Variants in EXOC4 observed in about 807,000 individuals in gnomAD.
EXOC4 encodes exocyst complex component 4.
In EXOC4, 71 loss-of-function variants were observed where a neutral mutation model predicts 107.2. That is an observed-to-expected ratio of 0.66 (90% confidence interval 0.55 to 0.81). The LOEUF (loss-of-function observed/expected upper bound fraction) is 0.81, where lower values mean the gene tolerates loss of function less well. EXOC4 is among the 30% of genes least tolerant of loss of function. The probability of loss-of-function intolerance (pLI) is 0.00; values close to 1 mark genes in which losing one functional copy is unlikely to be tolerated. For synonymous variants in EXOC4, 456 were observed against 441.2 expected (o/e 1.03, Z -0.42); for missense variants, 1,108 against 1,189.6 (o/e 0.93, Z 1.01).
intron 10 of EXOC4, 136 bp from the exon 11 acceptor site, chr7:133,817,189 A>G (rs1797392318): frequency 1.2e-5 from 7 of 592,476 alleles, no homozygotes; most frequent in Non-Finnish European, 1.8e-5. Flanking sequence ...ATTAAAAATT[A>G]TATAGAGATG....
chr7:133,749,976 T>G (rs1483740978), intron 10 of EXOC4, among the ~76,000 whole-genome samples: 5 of 147,722 alleles, frequency 3.4e-5, no homozygotes, highest in African/African-American at 1.0e-4. Flanking sequence ...TTTTTTTTTT[T>G]TTTTTTTTTA....
chr7:133,318,127 C>T (rs1371601523), intron 5 of EXOC4, among the ~76,000 whole-genome samples: 1 of 152,162 alleles, frequency 6.6e-6, no homozygotes, highest in Non-Finnish European at 1.5e-5. Context: ...TGTCCTATGC[C>T]CTCTCCACTT....
At chr7:133,281,257 C>T (rs376026443) in intron 2 of EXOC4, among the ~76,000 whole-genome samples, 3 of 150,808 alleles carry the variant, frequency 2.0e-5, no homozygotes, top group East Asian at 3.9e-4. Context: ...ACAATGTGCA[C>T]ATGTACCCTA....
At chr7:133,262,102 C>A (rs1470441366) in intron 1 of EXOC4, among the ~76,000 whole-genome samples, 3 of 151,946 alleles carry the variant, frequency 2.0e-5, no homozygotes, top group Admixed American at 2.0e-4. Context: ...TTCTTCTGGG[C>A]CTAAAGTAGA....
At chr7:133,918,360 T>G (rs1799858300) in intron 13 of EXOC4, among the ~76,000 whole-genome samples, 1 of 152,202 alleles carries the variant, frequency 6.6e-6, no homozygotes, top group African/African-American at 2.4e-5. Flanking sequence ...TCAGCAAAGT[T>G]GTTTGTAGCC....
At position 133,735,959 on chromosome 7, in the gene EXOC4, G is replaced by A. The variant is rs188118687; in HGVS notation, c.1515-81366G>A. On this transcript the variant is annotated intron_variant, in intron 10 of 17. Transcript: ENST00000253861. ...ATAAAAATTAGCCTGGTGTGGTGGT[G>A]CATGCCTATAGTCTCAGCTACTTGA... Among the ~76,000 whole-genome samples the A allele has an allele frequency of 3.0e-4, 46 of 152,118 alleles. No individual in the cohort carries two copies. In the East Asian group the frequency reaches 8.7e-3, roughly 29 times the overall value.
At chr7:133,389,380 G>A (rs1796799644) in intron 7 of EXOC4, among the ~76,000 whole-genome samples, 1 of 151,952 alleles carries the variant, frequency 6.6e-6, no homozygotes, top group African/African-American at 2.4e-5. Flanking sequence ...AGACCAACCT[G>A]GCCAACATGG....
chr7:134,069,222 C>CCTTCTTCTCCTTCTT (rs1554442566), downstream of EXOC4, among the ~76,000 whole-genome samples: 1 of 149,566 alleles, frequency 6.7e-6, no homozygotes, highest in Non-Finnish European at 1.5e-5. Context: ...TTCTTCTTCT[C>CCTTCTTCTCCTTCTT]CTTCTTCTTC....
chr7:133,842,879 C>G lies in EXOC4; in HGVS notation c.1734+25335C>G, dbSNP rs566724437. ...ACATGGCTAGCCAGTTATCCCAGCA[C>G]CATTTATCGAATAGGGAGTCCATTC... is the stretch of plus-strand genomic sequence containing the variant. On this transcript the variant is annotated intron_variant, in intron 11 of 17. Coordinates refer to ENST00000253861, the MANE Select transcript of EXOC4 (RefSeq NM_021807.4). Among the ~76,000 whole-genome samples, 9 of 152,274 alleles carry G rather than the reference C, an allele frequency of 5.9e-5. No individual in the cohort carries two copies. The South Asian group carries it at 1.9e-3, about 32-fold the overall frequency.
chr7:134,021,068 A>G (rs1387753393), intron 17 of EXOC4, among the ~76,000 whole-genome samples: 1 of 152,184 alleles, frequency 6.6e-6, no homozygotes, highest in Admixed American at 6.5e-5. Flanking sequence ...GTTCCATGAC[A>G]TAAAGCCAGA....
At chr7:133,990,476 G>A (rs1024842277) in intron 14 of EXOC4, among the ~76,000 whole-genome samples, 5 of 152,148 alleles carry the variant, frequency 3.3e-5, no homozygotes, top group African/African-American at 1.2e-4. Flanking sequence ...TTGAGATGCA[G>A]TCTCACTCTG....
Position 133,710,435 on chromosome 7 carries a change from C to T in EXOC4, c.1514+80294C>T, listed in dbSNP as rs576265108. ...CAACACTTTGGGAGGCCGAGGCGGG[C>T]GGATCACGAGGTCAGGAGATCGAGA... On this transcript the variant is annotated intron_variant, in intron 10 of 17. Transcript: ENST00000253861. 5.3e-5 allele frequency among the ~76,000 whole-genome samples: 8 copies of T among 151,690 alleles called. No homozygotes were observed. In the East Asian group the frequency reaches 7.8e-4, roughly 15 times the overall value.
the EXOC4 span, among the ~76,000 whole-genome samples, chr7:134,094,411 T>G: frequency 6.6e-6 from 1 of 152,184 alleles, no homozygotes; most frequent in African/African-American, 2.4e-5. Context: ...TGAAATTGAA[T>G]CAGTAATTTA....
chr7:133,617,698 C>T (rs916243204), intron 9 of EXOC4, among the ~76,000 whole-genome samples: 1 of 152,084 alleles, frequency 6.6e-6, no homozygotes, highest in African/African-American at 2.4e-5. Context: ...CATAATACCC[C>T]ACCTCCTATA....
intron 7 of EXOC4, among the ~76,000 whole-genome samples, chr7:133,412,117 G>A (rs1184325491): frequency 1.3e-5 from 2 of 151,986 alleles, no homozygotes; most frequent in East Asian, 3.9e-4. Flanking sequence ...TTGTCTATCA[G>A]TGAGCTTGTT....
At chr7:133,905,994 A>G (rs1799556696) in intron 12 of EXOC4, among the ~76,000 whole-genome samples, 1 of 152,136 alleles carries the variant, frequency 6.6e-6, no homozygotes, top group Non-Finnish European at 1.5e-5. Flanking sequence ...TGCGTGGGAG[A>G]AAGGTTGAGA....
At chr7:133,452,081 C>T (rs1007001598) in intron 7 of EXOC4, among the ~76,000 whole-genome samples, 7 of 152,092 alleles carry the variant, frequency 4.6e-5, no homozygotes, top group Non-Finnish European at 1.0e-4. Flanking sequence ...TTGTCCTACT[C>T]AGAAGAGCTG....
rs141073483 is a variant in EXOC4, at chr7:133,362,309, C to A, written c.1007+5736C>A. Among the ~76,000 whole-genome samples, 386 of 152,250 alleles carry A rather than the reference C, an allele frequency of 2.5e-3. 5 individuals are homozygous for A. The highest frequency in any genetic ancestry group is 8.7e-3 in the African/African-American group (361 of 41,554). On this transcript the variant is annotated intron_variant, in intron 6 of 17. Transcript: ENST00000253861. ...AGTGACCAAACGACTTTTGAGCACA[C>A]CTGACACATACTATACTGTATTGTA...
At chr7:133,333,952 A>G (rs1795451227) in intron 5 of EXOC4, among the ~76,000 whole-genome samples, 2 of 152,242 alleles carry the variant, frequency 1.3e-5, no homozygotes. Context: ...GTGCAGTTCA[A>G]TTTGCATATT....
Sources: allele counts gnomAD v4.1 joint callset (sites outside exome capture counted in the v4.1 genomes callset), GRCh38; gene constraint gnomAD v4.1.1; transcripts MANE v1.5; gene names NCBI Gene and HGNC (gene_info 2026-07-23, HGNC 2026-07-21).